Variants in LRRTM4 observed in about 807,000 individuals in gnomAD.
LRRTM4 encodes the protein leucine-rich repeat transmembrane neuronal protein 4.
Under a neutral mutation model 47.6 loss-of-function variants are expected in LRRTM4, and 25 were observed. That is an observed-to-expected ratio of 0.53 (90% CI 0.38 to 0.73). The LOEUF (loss-of-function observed/expected upper bound fraction) is 0.73. Among genes scored for constraint, LRRTM4 ranks in the 30% least tolerant of loss-of-function variants. The probability of loss-of-function intolerance (pLI) is 0.00; values close to 1 mark genes in which losing one functional copy is unlikely to be tolerated. For synonymous variants in LRRTM4, 311 were observed against 269.5 expected (o/e 1.15, Z -1.51); for missense variants, 638 against 713.4 (o/e 0.89, Z 1.20).
chr2:76,878,340 T>C (rs984501678), intron 3 of LRRTM4, among the ~76,000 whole-genome samples: 1 of 152,102 alleles, frequency 6.6e-6, no homozygotes, highest in Non-Finnish European at 1.5e-5. Flanking sequence ...ATATTGAAAT[T>C]AGACGAATTA....
chr2:77,363,893 T>G (rs1242578619), intron 3 of LRRTM4, among the ~76,000 whole-genome samples: 1 of 152,102 alleles, frequency 6.6e-6, no homozygotes, highest in Non-Finnish European at 1.5e-5. Flanking sequence ...AGAAAAATCT[T>G]TAAACTAATT....
At chr2:77,085,559 T>C (rs2103868246) in intron 3 of LRRTM4, among the ~76,000 whole-genome samples, 1 of 152,256 alleles carries the variant, frequency 6.6e-6, no homozygotes, top group East Asian at 1.9e-4. Context: ...AATGTGGCTT[T>C]GTATTCTAGG....
intron 3 of LRRTM4, among the ~76,000 whole-genome samples, chr2:77,050,070 G>T (rs549586048): frequency 6.6e-6 from 1 of 150,576 alleles, no homozygotes; most frequent in African/African-American, 2.5e-5. Flanking sequence ...TGGAGCAGAG[G>T]TCAGAAAGAG....
chr2:77,105,761 T>A (rs973755233), intron 3 of LRRTM4, among the ~76,000 whole-genome samples: 3 of 152,194 alleles, frequency 2.0e-5, no homozygotes, highest in South Asian at 4.1e-4. Context: ...AGGGATTGAA[T>A]GGGATCATAG....
At chr2:76,761,799 G>C (rs1052586500) in intron 3 of LRRTM4, among the ~76,000 whole-genome samples, 1 of 152,142 alleles carries the variant, frequency 6.6e-6, no homozygotes. Context: ...CAAAGTGTTA[G>C]CAAATAAGCA....
intron 3 of LRRTM4, among the ~76,000 whole-genome samples, chr2:77,044,620 T>C (rs1341284290): frequency 6.6e-6 from 1 of 151,090 alleles, no homozygotes; most frequent in Non-Finnish European, 1.5e-5. Context: ...TATTTGATTT[T>C]TTTTGGCTAT....
At chr2:76,846,390 C>T (rs1671838200) in intron 3 of LRRTM4, among the ~76,000 whole-genome samples, 1 of 152,108 alleles carries the variant, frequency 6.6e-6, no homozygotes, top group Non-Finnish European at 1.5e-5. Context: ...TTGCTCAGAA[C>T]TAATGCTAGT....
chr2:77,336,645 G>A (rs1671179096), intron 3 of LRRTM4, among the ~76,000 whole-genome samples: 1 of 152,096 alleles, frequency 6.6e-6, no homozygotes, highest in Non-Finnish European at 1.5e-5. Flanking sequence ...TGGAGAAAAA[G>A]CATTTGATAA....
intron 3 of LRRTM4, among the ~76,000 whole-genome samples, chr2:77,285,340 T>TTTTATATATATATATATATA (rs1553422162): frequency 1.2e-5 from 1 of 82,590 alleles, no homozygotes; most frequent in South Asian, 5.5e-4. Flanking sequence ...AGCATTAAAT[T>TTTTATATATATATATATATA]TATATATATA....
At chr2:77,189,400 T>C (rs1266496955) in intron 3 of LRRTM4, among the ~76,000 whole-genome samples, 1 of 152,200 alleles carries the variant, frequency 6.6e-6, no homozygotes, top group African/African-American at 2.4e-5. Flanking sequence ...TAAAGGTTTG[T>C]GTCCCTCTAA....
At chr2:76,800,461 A>T (rs1355701416) in intron 3 of LRRTM4, among the ~76,000 whole-genome samples, 1 of 141,212 alleles carries the variant, frequency 7.1e-6, no homozygotes, top group African/African-American at 2.7e-5. Flanking sequence ...TTCAAGATGG[A>T]TTAAAGACTT....
chr2:77,115,756 G>T (rs1381912468), intron 3 of LRRTM4, among the ~76,000 whole-genome samples: 1 of 152,020 alleles, frequency 6.6e-6, no homozygotes, highest in Non-Finnish European at 1.5e-5. Context: ...AAATATTATA[G>T]CTTACTTCAA....
At position 77,368,676 on chromosome 2, in the gene LRRTM4, G is replaced by T. The variant is rs1241216182; in HGVS notation, c.1551+149642C>A. ...GTTTATGCTGGAATCTGAAAATAAA[G>T]AAATTAATAAGGAATGGCTCTTGGT... is the stretch of plus-strand genomic sequence containing the variant. On this transcript the variant is annotated intron_variant, in intron 3 of 3. Transcript: ENST00000409884. Among the ~76,000 whole-genome samples the T allele has an allele frequency of 2.0e-5, 3 of 151,810 alleles. No individual in the cohort carries two copies. In the South Asian group the frequency reaches 6.2e-4, roughly 31 times the overall value.
At chr2:77,238,373 A>G (rs909057532) in intron 3 of LRRTM4, among the ~76,000 whole-genome samples, 2 of 152,146 alleles carry the variant, frequency 1.3e-5, no homozygotes, top group African/African-American at 2.4e-5. Context: ...CCTTAAAAGA[A>G]CACCAAAAAA....
chr2:77,006,452 A>T (rs557623979), intron 3 of LRRTM4, among the ~76,000 whole-genome samples: 1 of 152,284 alleles, frequency 6.6e-6, no homozygotes, highest in East Asian at 1.9e-4. Flanking sequence ...CTTCCAGAAA[A>T]TTTTATTTTG....
intron 3 of LRRTM4, among the ~76,000 whole-genome samples, chr2:76,784,912 T>C (rs1273597458): frequency 1.3e-5 from 2 of 152,120 alleles, no homozygotes; most frequent in African/African-American, 2.4e-5. Context: ...CAAAATTAAT[T>C]CAGTTCGAAT....
chr2:77,364,623 A>G (rs1020356731), intron 3 of LRRTM4, among the ~76,000 whole-genome samples: 7 of 151,842 alleles, frequency 4.6e-5, no homozygotes. Context: ...TATACCCTCC[A>G]TCTCCTGTCA....
rs552131180 is a variant in LRRTM4, at chr2:77,029,048, C to A, written c.1552-280132G>T. On this transcript the variant is annotated intron_variant, in intron 3 of 3. Coordinates refer to ENST00000409884, the MANE Select transcript of LRRTM4 (RefSeq NM_001134745.3). ...AGAGTCCATCACACACACACACACA[C>A]ACAAATATATATATATATATATAAT... Among the ~76,000 whole-genome samples the A allele has an allele frequency of 6.6e-3, 875 of 131,924 alleles. 9 individuals are homozygous for A. Among genetic ancestry groups the A allele is most frequent in the African/African-American group, 0.023 (820 of 35,398 alleles). 86.5% of individuals were successfully genotyped at this position (131,924 alleles called of 152,430 possible).
chr2:77,358,326 G>A (rs1672049090), intron 3 of LRRTM4, among the ~76,000 whole-genome samples: 3 of 152,060 alleles, frequency 2.0e-5, no homozygotes, highest in African/African-American at 7.2e-5. Context: ...AAAGCCAAGA[G>A]GCATCCTGGC....
Sources: allele counts gnomAD v4.1 joint callset (sites outside exome capture counted in the v4.1 genomes callset), GRCh38; gene constraint gnomAD v4.1.1; transcripts MANE v1.5; gene names NCBI Gene and HGNC (gene_info 2026-07-23, HGNC 2026-07-21).